The following RIMS2 variants were observed in gnomAD, a reference collection of about 807,000 sequenced individuals.
RIMS2 encodes the protein regulating synaptic membrane exocytosis 2, also known as regulating synaptic membrane exocytosis protein 2.
A neutral mutation model predicts 174.4 loss-of-function variants in RIMS2; 59 were observed. The ratio of observed to expected loss-of-function variants is 0.34; its 90% CI spans 0.27 to 0.42. RIMS2 has a LOEUF of 0.42. RIMS2 is among the 10% of genes least tolerant of loss of function. RIMS2 has a pLI of 1.00. For missense variants in RIMS2, 1,620 were observed against 1,666.3 expected, an observed-to-expected ratio of 0.97 and a Z score of 0.48; for synonymous variants, 606 against 572.5, an observed-to-expected ratio of 1.06 and a Z score of -0.84.
intron 19 of RIMS2, among the ~76,000 whole-genome samples, chr8:104,193,155 A>G (rs1408740524): frequency 6.6e-6 from 1 of 151,384 alleles, no homozygotes; most frequent in Non-Finnish European, 1.5e-5. Flanking sequence ...GTGTACCTTC[A>G]GTGTGTGTAT....
At chr8:104,143,501 G>A (rs1453893254) in intron 19 of RIMS2, among the ~76,000 whole-genome samples, 1 of 152,142 alleles carries the variant, frequency 6.6e-6, no homozygotes. Context: ...GTAGTAACAG[G>A]TATTCAGTTA....
intron 3 of RIMS2, among the ~76,000 whole-genome samples, chr8:103,801,292 T>A (rs1008254990): frequency 6.6e-6 from 1 of 152,230 alleles, no homozygotes; most frequent in Non-Finnish European, 1.5e-5. Context: ...CAGCCAGCAA[T>A]GTCTTTAAAG....
At chr8:103,644,773 G>T (rs766022770) in intron 1 of RIMS2, among the ~76,000 whole-genome samples, 2 of 151,292 alleles carry the variant, frequency 1.3e-5, no homozygotes, top group Non-Finnish European at 3.0e-5. Context: ...TTCATATATA[G>T]ATGTTTTTAC....
chr8:104,057,893 TG>T (rs2096902038), intron 19 of RIMS2, among the ~76,000 whole-genome samples: 1 of 151,920 alleles, frequency 6.6e-6, no homozygotes, highest in South Asian at 2.1e-4. Flanking sequence ...ACAAAGGACA[TG>T]AACTCATCAT....
At chr8:104,154,007 G>A (rs2098706093) in intron 19 of RIMS2, among the ~76,000 whole-genome samples, 1 of 152,124 alleles carries the variant, frequency 6.6e-6, no homozygotes, top group Non-Finnish European at 1.5e-5. Flanking sequence ...AAAACGAAGA[G>A]GTGAGTTAGA....
In RIMS2 at chr8:104,129,244, C is replaced by T. The variant is rs1047970149; in HGVS notation, c.3334+114629C>T. 7.9e-5 allele frequency among the ~76,000 whole-genome samples: 12 copies of T among 151,616 alleles called. No individual in the cohort carries two copies. The East Asian group carries it at 1.4e-3, about 17-fold the overall frequency. On this transcript the variant is annotated intron_variant, in intron 19 of 23. Transcript: ENST00000504942. ...CTATTAAAAAAAAAAAAAGTAGCCACGTGTGGCAGTGCAATCCTGTAGGTC... is the reference window on the plus strand; with the variant it reads ...CTATTAAAAAAAAAAAAAGTAGCCATGTGTGGCAGTGCAATCCTGTAGGTC...
intron 3 of RIMS2, among the ~76,000 whole-genome samples, chr8:103,795,339 A>C (rs2098541256): frequency 6.6e-6 from 1 of 152,054 alleles, no homozygotes; most frequent in Non-Finnish European, 1.5e-5. Context: ...AAGGACAGAA[A>C]ACCAGACGCT....
At chr8:103,712,224 A>G in intron 2 of RIMS2, among the ~76,000 whole-genome samples, 1 of 151,158 alleles carries the variant, frequency 6.6e-6, no homozygotes, top group East Asian at 1.9e-4. Context: ...TGCCCAGGAA[A>G]TAGTCCCGAA....
intron 5 of RIMS2, 50 bp from the exon 9 acceptor site, chr8:103,912,003 A>G (rs1476488687): frequency 7.2e-7 from 1 of 1,381,334 alleles, no homozygotes; most frequent in African/African-American, 1.5e-5. Context: ...AAATAAAATC[A>G]TTTATTTATT....
chr8:104,237,493 T>G (rs1057025533), intron 19 of RIMS2, among the ~76,000 whole-genome samples: 14 of 152,282 alleles, frequency 9.2e-5, no homozygotes, highest in African/African-American at 3.4e-4. Context: ...TGCTCACATT[T>G]CATTGGACAA....
chr8:104,254,548 A>G (rs1338642393), downstream of RIMS2: 1 of 152,204 alleles, frequency 6.6e-6, no homozygotes, highest in African/African-American at 2.4e-5. Flanking sequence ...TCTCGATAAC[A>G]TAAGTGGACT....
rs71575988 is a variant in RIMS2, at chr8:103,967,170, G to GTTTTTTTTTTTTTTTTTTTTTTTTTTTT, written c.2770+6040_2770+6067dup. On this transcript the variant is annotated intron_variant, in intron 15 of 23. Coordinates refer to ENST00000504942, the Ensembl canonical transcript of RIMS2. ...TTTTCTGCCTGCTTGATCTGTTCTT[G>GTTTTTTTTTTTTTTTTTTTTTTTTTTTT]TTTTTTTTTTTTTTTTTTTTTTTTT... Among the ~76,000 whole-genome samples, 4 of 24,962 alleles carry GTTTTTTTTTTTTTTTTTTTTTTTTTTTT rather than the reference G, an allele frequency of 1.6e-4. 1 individual carries two copies. Among genetic ancestry groups the GTTTTTTTTTTTTTTTTTTTTTTTTTTTT allele is most frequent in the Admixed American group, 5.9e-4 (1 of 1,704 alleles). 16.4% of individuals were successfully genotyped at this position (24,962 alleles called of 152,430 possible).
chr8:103,789,811 TAG>T (rs1352797600), intron 3 of RIMS2, among the ~76,000 whole-genome samples: 2 of 140,524 alleles, frequency 1.4e-5, no homozygotes, highest in Admixed American at 1.6e-4. Context: ...TGGAGGACGG[TAG>T]CACAGTCATG....
intron 1 of RIMS2, among the ~76,000 whole-genome samples, chr8:103,524,165 A>G (rs986500542): frequency 2.0e-5 from 3 of 152,158 alleles, no homozygotes; most frequent in Non-Finnish European, 4.4e-5. Context: ...CCCAAGTGTT[A>G]TTAAAATACA....
At chr8:104,098,047 A>G (rs1344679918) in intron 19 of RIMS2, among the ~76,000 whole-genome samples, 1 of 152,224 alleles carries the variant, frequency 6.6e-6, no homozygotes, top group East Asian at 1.9e-4. Flanking sequence ...ATCTAATTGT[A>G]TGATACAGAT....
chr8:103,974,209 A>C (rs2093203519), intron 15 of RIMS2, among the ~76,000 whole-genome samples: 1 of 152,136 alleles, frequency 6.6e-6, no homozygotes, highest in Non-Finnish European at 1.5e-5. Flanking sequence ...CCTTGTTTCT[A>C]GGGAATCTAA....
chr8:104,195,743 G>C (rs1346780313), intron 19 of RIMS2, among the ~76,000 whole-genome samples: 1 of 151,978 alleles, frequency 6.6e-6, no homozygotes, highest in African/African-American at 2.4e-5. Context: ...CAAACTCCTG[G>C]CTCAGGCAGT....
intron 19 of RIMS2, among the ~76,000 whole-genome samples, chr8:104,108,502 G>A (rs575754905): frequency 1.9e-4 from 29 of 151,354 alleles, no homozygotes; most frequent in Non-Finnish European, 2.7e-4. Flanking sequence ...ATTTTGCTGC[G>A]TGCCCAGGCT....
chr8:103,706,816 T>C (rs984716872), intron 2 of RIMS2, among the ~76,000 whole-genome samples: 3 of 152,148 alleles, frequency 2.0e-5, no homozygotes, highest in African/African-American at 7.2e-5. Flanking sequence ...TTCTTGTACC[T>C]GTATATCCAT....
Sources: gnomAD v4.1 joint callset for allele counts (sites outside exome capture counted in the v4.1 genomes callset) on GRCh38, gnomAD v4.1.1 for gene constraint, MANE v1.5 for transcripts, NCBI Gene and HGNC (gene_info 2026-07-23, HGNC 2026-07-21) for gene names.